NCOA2: variants seen among roughly 807,000 people sequenced by gnomAD.
NCOA2 encodes class E basic helix-loop-helix protein 75.
A neutral mutation model predicts 145.1 loss-of-function variants in NCOA2; 21 were observed. That is an observed-to-expected ratio of 0.14 (90% CI 0.10 to 0.21). NCOA2 has a LOEUF of 0.21. Ranked by LOEUF, NCOA2 falls within the 10% of genes least tolerant of loss-of-function variation. The pLI is 1.00. For synonymous variants in NCOA2, 619 were observed against 637.5 expected, an observed-to-expected ratio of 0.97 and a Z score of 0.44; for missense variants, 1,472 against 1,837.6, an observed-to-expected ratio of 0.80 and a Z score of 3.64.
At chr8:70,292,062 G>A (rs1326569433) in intron 2 of NCOA2, among the ~76,000 whole-genome samples, 4 of 143,970 alleles carry the variant, frequency 2.8e-5, no homozygotes, top group Non-Finnish European at 3.0e-5. Flanking sequence ...GCAACAGAGC[G>A]AGACGCCGTC....
chr8:70,293,396 T>C (rs1826855446), intron 2 of NCOA2, among the ~76,000 whole-genome samples: 1 of 152,216 alleles, frequency 6.6e-6, no homozygotes, highest in South Asian at 2.1e-4. Context: ...TCCAATATGG[T>C]CAAAGTTTCT....
chr8:70,204,913 C>T (rs1014730953), intron 4 of NCOA2, among the ~76,000 whole-genome samples: 1 of 152,146 alleles, frequency 6.6e-6, no homozygotes, highest in African/African-American at 2.4e-5. Flanking sequence ...GAGGATGAGG[C>T]ACAAGAATCG....
intron 17 of NCOA2, 21 bp from the exon 18 acceptor site, chr8:70,128,531 T>TGAATACATTTTAAGAACA (rs750027794): frequency 2.5e-6 from 4 of 1,607,232 alleles, no homozygotes; most frequent in Admixed American, 1.7e-5. Context: ...ACAAACAGGA[T>TGAATACATTTTAAGAACA]GAATACATTT....
the NCOA2 span, among the ~76,000 whole-genome samples, chr8:70,421,512 C>T: frequency 1.3e-5 from 2 of 152,034 alleles, no homozygotes; most frequent in Admixed American, 6.6e-5. Context: ...GAGCTATGAT[C>T]GCACCACTAC....
chr8:70,156,548 G>C lies in NCOA2; in HGVS notation c.1817C>G (p.Pro606Arg). 2.5e-6 allele frequency: 4 copies of C among 1,613,920 alleles called. No individual in the cohort carries two copies. Among genetic ancestry groups the C allele is most frequent in the Non-Finnish European group, 3.4e-6 (4 of 1,179,870 alleles). Reference protein sequence around the residue: ...TTGQAESSCHPGEQKETNDPN... With the variant: ...TTGQAESSCHRGEQKETNDPN... ...GTCATTTGTTTCCTTTTGCTCTCCA[G>C]GATGGCAGCTGCTCTCTGCTTGTCC... Residue 606 changes from proline (P) to arginine (R), a missense_variant, in exon 11 of 23, where the codon CCT becomes CGT. Physicochemically the swap from Pro to Arg is moderately radical, Grantham distance 103. This residue lies in a region of NCOA2 where 953 missense variants were observed against 1,062.1 expected (regional missense o/e 0.90). Coordinates refer to ENST00000452400, the MANE Select transcript of NCOA2 (RefSeq NM_006540.4).
Position 70,159,542 on chromosome 8 carries a change from C to T in NCOA2, c.1087G>A (p.Glu363Lys), listed in dbSNP as rs1255842647. 2 of 1,611,030 alleles carry T rather than the reference C, an allele frequency of 1.2e-6. No individual in the cohort carries two copies. Among genetic ancestry groups the T allele is most frequent in the Admixed American group, 1.7e-5 (1 of 59,980 alleles). ...SKLIRSQTTN[E>K]PQLVISLHML... Reference sequence around the variant, plus strand: ...TGTAAAGATATTACAAGTTGAGGTTCATTAGTAGTCTGAGAACGGATGAGT... The same window carrying T: ...TGTAAAGATATTACAAGTTGAGGTTTATTAGTAGTCTGAGAACGGATGAGT... Residue 363 changes from glutamate (E) to lysine (K), a missense_variant, in exon 10 of 23, where the codon GAA (glutamate) becomes AAA (lysine). Transcript: ENST00000452400.
rs145934275 is a variant in NCOA2, at chr8:70,336,769, A to G, written c.-76-39969T>C. ...CCTCCTCCAACATGTGGGGATTACAATTTGAGATGAGATTTGGGTGGGACA... is the reference window on the plus strand; with the variant it reads ...CCTCCTCCAACATGTGGGGATTACAGTTTGAGATGAGATTTGGGTGGGACA... On this transcript the variant is annotated intron_variant, in intron 1 of 22. Transcript: ENST00000452400. Among the ~76,000 whole-genome samples, 163 of 152,344 alleles carry G rather than the reference A, an allele frequency of 1.1e-3. 1 individual carries two copies. Among genetic ancestry groups the G allele is most frequent in the African/African-American group, 3.7e-3 (153 of 41,576 alleles).
At chr8:70,372,764 C>T (rs1247020293) in intron 1 of NCOA2, among the ~76,000 whole-genome samples, 3 of 152,142 alleles carry the variant, frequency 2.0e-5, no homozygotes, top group Non-Finnish European at 2.9e-5. Context: ...GCCCTCATCA[C>T]CCTTTACAGT....
intron 2 of NCOA2, among the ~76,000 whole-genome samples, chr8:70,220,236 T>G (rs1173538266): frequency 2.6e-5 from 4 of 152,172 alleles, no homozygotes; most frequent in Non-Finnish European, 5.9e-5. Flanking sequence ...TTCTGCACAC[T>G]CACATGAAAT....
At chr8:70,169,406 C>G (rs1204344704) in intron 6 of NCOA2, among the ~76,000 whole-genome samples, 2 of 152,238 alleles carry the variant, frequency 1.3e-5, no homozygotes, top group Non-Finnish European at 2.9e-5. Context: ...TGGGCTATAG[C>G]ATCTGAACCT....
chr8:70,255,620 A>C (rs1823574853), intron 2 of NCOA2, among the ~76,000 whole-genome samples: 1 of 152,242 alleles, frequency 6.6e-6, no homozygotes, highest in Non-Finnish European at 1.5e-5. Flanking sequence ...CGTTCGGCAC[A>C]TACACAACAC....
At chr8:70,141,999 A>C (rs1186144788) in intron 13 of NCOA2, among the ~76,000 whole-genome samples, 4 of 152,178 alleles carry the variant, frequency 2.6e-5, no homozygotes, top group Non-Finnish European at 1.5e-5. Context: ...TGTATTCCTG[A>C]CTATACAGAC....
intron 1 of NCOA2, among the ~76,000 whole-genome samples, chr8:70,371,511 C>A (rs1198195455): frequency 6.6e-6 from 1 of 151,894 alleles, no homozygotes; most frequent in Non-Finnish European, 1.5e-5. Flanking sequence ...ATATATATAG[C>A]CTGATTTTAT....
At chr8:70,411,036 T>G in the NCOA2 span, among the ~76,000 whole-genome samples, 1 of 152,204 alleles carries the variant, frequency 6.6e-6, no homozygotes, top group Non-Finnish European at 1.5e-5. Context: ...ACCCTTAGGA[T>G]TTGTGTATTT....
At chr8:70,307,749 C>G (rs1283049482) in intron 1 of NCOA2, among the ~76,000 whole-genome samples, 1 of 152,178 alleles carries the variant, frequency 6.6e-6, no homozygotes, top group Non-Finnish European at 1.5e-5. Context: ...ATGCTGAACT[C>G]AATGTAACCT....
chr8:70,208,126 A>G (rs979929991), intron 4 of NCOA2, among the ~76,000 whole-genome samples: 1 of 151,980 alleles, frequency 6.6e-6, no homozygotes, highest in East Asian at 1.9e-4. Flanking sequence ...AAGAAAGTGA[A>G]ATAGCCTTTT....
the NCOA2 span, among the ~76,000 whole-genome samples, chr8:70,455,212 C>A: frequency 3.3e-5 from 5 of 152,160 alleles, no homozygotes; most frequent in Non-Finnish European, 7.3e-5. Flanking sequence ...TAGCTAAGCA[C>A]GTGTTTGCTA....
At chr8:70,383,969 A>G (rs1812447300) in intron 1 of NCOA2, among the ~76,000 whole-genome samples, 1 of 152,210 alleles carries the variant, frequency 6.6e-6, no homozygotes, top group Non-Finnish European at 1.5e-5. Context: ...CCATCAGGGA[A>G]TTTAGCTATA....
In NCOA2 at chr8:70,126,247, A is replaced by G. The variant is rs1585738771; in HGVS notation, c.3916+566T>C. 7.2e-5 allele frequency among the ~76,000 whole-genome samples: 11 copies of G among 152,352 alleles called. No homozygotes were observed. The East Asian group carries it at 2.1e-3, about 29-fold the overall frequency. On this transcript the variant is annotated intron_variant, in intron 19 of 22. Transcript: ENST00000452400. Reference sequence around the variant, plus strand: ...CATTACACACTTGGTATCTCTTAAGACTGACATTAAACAACAAATCAATAT... The same window carrying G: ...CATTACACACTTGGTATCTCTTAAGGCTGACATTAAACAACAAATCAATAT...
Sources: gnomAD v4.1 joint callset for allele counts (sites outside exome capture counted in the v4.1 genomes callset) on GRCh38, gnomAD v4.1.1 for gene constraint, gnomAD v4.1.1 regional missense constraint, MANE v1.5 for transcripts, NCBI Gene and HGNC (gene_info 2026-07-23, HGNC 2026-07-21) for gene names.